The following ANKFY1 variants were observed in gnomAD, a reference collection of about 807,000 sequenced individuals.
ANKFY1 encodes the protein ankyrin repeat and FYVE domain-containing protein 1.
A neutral mutation model predicts 128.3 loss-of-function variants in ANKFY1; 47 were observed. The observed-to-expected ratio is 0.37, with a 90% CI of 0.29 to 0.47. The LOEUF is 0.47. Among genes scored for constraint, ANKFY1 ranks in the 20% least tolerant of loss-of-function variants. ANKFY1 has a pLI of 1.00. For missense variants in ANKFY1, 1,222 were observed against 1,510.6 expected (o/e 0.81, Z 3.17); for synonymous variants, 553 against 601.6 (o/e 0.92, Z 1.18).
chr17:4,203,836 A>C (rs951816630), intron 7 of ANKFY1, among the ~76,000 whole-genome samples: 2 of 141,058 alleles, frequency 1.4e-5, no homozygotes, highest in African/African-American at 5.3e-5. Flanking sequence ...ACAAAAAAAA[A>C]AAAAAAAAGA....
chr17:4,180,174 T>G (rs1482120819), intron 16 of ANKFY1: 7 of 328,618 alleles, frequency 2.1e-5, no homozygotes, highest in Non-Finnish European at 3.4e-5. Flanking sequence ...ATGCCTCTAA[T>G]CCCAGCACTT....
intron 1 of ANKFY1, among the ~76,000 whole-genome samples, chr17:4,248,274 G>A (rs1368109716): frequency 6.6e-6 from 1 of 152,190 alleles, no homozygotes; most frequent in Admixed American, 6.5e-5. Context: ...CGCCTCCTGT[G>A]AGATCAGCAG....
In ANKFY1 at chr17:4,167,706, G is replaced by C. The variant is rs1597995359; in HGVS notation, c.*73C>G. 1 of 1,454,326 alleles carries C rather than the reference G, an allele frequency of 6.9e-7. No individual in the cohort carries two copies. Among genetic ancestry groups the C allele is most frequent in the African/African-American group, 1.4e-5 (1 of 70,902 alleles). The allele number at this position is 1,454,326 out of a possible 1,614,324, so 90.1% of individuals were successfully genotyped here. A position where few individuals can be genotyped will look rare whatever the true frequency, so the allele number is the denominator to read the frequency against. On this transcript the variant is annotated 3_prime_UTR_variant, in exon 25 of 25. Coordinates refer to ENST00000341657, the MANE Select transcript of ANKFY1 (RefSeq NM_001330063.2). The surrounding 1 kb of genome is among the most constrained non-coding windows in gnomAD (Gnocchi z 4.1). ...CACCCGCCAGCTCCTGCTCTGGGTG[G>C]GGTCAGGCTGGTGAGCAGAGCAGCT...
At chr17:4,217,193 T>C in intron 3 of ANKFY1, 75 bp from the exon 4 acceptor site, 1 of 1,543,392 alleles carries the variant, frequency 6.5e-7, no homozygotes. Context: ...ATCCCTAAAA[T>C]TTGAGGCTAA....
chr17:4,181,293 T>A lies in ANKFY1; in HGVS notation c.2201A>T (p.Asp734Val). ...GCAGGCGGTGGGCTCGTTGTTTTCATCAATGGCTCTGTGCAGGAGCGTCTG... is the reference window on the plus strand; with the variant it reads ...GCAGGCGGTGGGCTCGTTGTTTTCAACAATGGCTCTGTGCAGGAGCGTCTG... Reference protein sequence around the residue: ...CLQTLLHRAIDENNEPTACFL... With the variant: ...CLQTLLHRAIVENNEPTACFL... The change falls in exon 16 of 25, where the codon GAT becomes GTT. Residue 734 changes from aspartate to valine, a missense_variant. Coordinates refer to ENST00000341657, the MANE Select transcript of ANKFY1 (RefSeq NM_001330063.2). The surrounding 1 kb of genome is among the most constrained non-coding windows in gnomAD (Gnocchi z 4.9). 1 of 1,614,082 alleles carries A rather than the reference T, an allele frequency of 6.2e-7. No individual in the cohort carries two copies. Among genetic ancestry groups the A allele is most frequent in the Non-Finnish European group, 8.5e-7 (1 of 1,179,970 alleles).
chr17:4,217,530 G>A (rs1169215021), intron 3 of ANKFY1, among the ~76,000 whole-genome samples: 1 of 152,146 alleles, frequency 6.6e-6, no homozygotes, highest in East Asian at 1.9e-4. Context: ...CTGGGTGACA[G>A]AGGGAGACTC....
intron 11 of ANKFY1, 119 bp downstream of exon 11, chr17:4,189,263 T>A (rs78681823): frequency 1.4e-6 from 1 of 716,890 alleles, no homozygotes; most frequent in East Asian, 2.8e-5. Context: ...ACCATATGCA[T>A]GTATTATTCT....
intron 1 of ANKFY1, among the ~76,000 whole-genome samples, chr17:4,248,266 C>T (rs1293354096): frequency 6.6e-6 from 1 of 152,224 alleles, no homozygotes; most frequent in African/African-American, 2.4e-5. Context: ...CTGAGCTCCG[C>T]CTCCTGTGAG....
In ANKFY1 at chr17:4,187,199, A is replaced by T. The variant is rs150800119; in HGVS notation, c.1471-2153T>A. On this transcript the variant is annotated intron_variant, in intron 11 of 24. Transcript: ENST00000341657. ...CCAAATTCCATTACGTCATTCTTGC[A>T]CCACAGGGGTTTTAACAGCTCTCTT... is the stretch of plus-strand genomic sequence containing the variant. 3.4e-3 allele frequency: 1,430 copies of T among 419,206 alleles called. 2 individuals are homozygous for T. The highest frequency in any genetic ancestry group is 4.9e-3 in the Non-Finnish European group (1,195 of 245,056). The allele number at this position is 419,206 out of a possible 1,614,324, so 26.0% of individuals were successfully genotyped here.
intron 3 of ANKFY1, among the ~76,000 whole-genome samples, chr17:4,231,512 G>T (rs1337614090): frequency 6.6e-6 from 1 of 152,118 alleles, no homozygotes; most frequent in Non-Finnish European, 1.5e-5. Context: ...GAATCCTACA[G>T]AAGTGATTGT....
chr17:4,235,332 C>G (rs1387605385), intron 3 of ANKFY1, among the ~76,000 whole-genome samples: 5 of 100,232 alleles, frequency 5.0e-5, no homozygotes, highest in Non-Finnish European at 1.0e-4. Context: ...CAGAGTGAGA[C>G]TCTGTCTCAA....
chr17:4,246,511 T>C (rs887378282), intron 1 of ANKFY1, among the ~76,000 whole-genome samples: 1 of 152,216 alleles, frequency 6.6e-6, no homozygotes, highest in Non-Finnish European at 1.5e-5. Flanking sequence ...AGGATGGCTA[T>C]AGTATATACC....
intron 1 of ANKFY1, 145 bp downstream of exon 1, chr17:4,263,787 G>C: frequency 6.3e-7 from 1 of 1,590,124 alleles, no homozygotes; most frequent in Non-Finnish European, 8.5e-7. Flanking sequence ...GAGAAGCTCC[G>C]GAGAGGCTAG....
chr17:4,263,170 T>C (rs1411605276), intron 1 of ANKFY1, among the ~76,000 whole-genome samples: 1 of 152,192 alleles, frequency 6.6e-6, no homozygotes, highest in Non-Finnish European at 1.5e-5. Context: ...CAATGAAGGC[T>C]TCTAATTACT....
chr17:4,248,356 C>T (rs555494895), intron 1 of ANKFY1, among the ~76,000 whole-genome samples: 40 of 152,286 alleles, frequency 2.6e-4, no homozygotes, highest in Non-Finnish European at 4.7e-4. Context: ...GTTGCATGCT[C>T]CTTATGAGAC....
chr17:4,184,138 C>T (rs957288997), intron 12 of ANKFY1, among the ~76,000 whole-genome samples: 1 of 152,138 alleles, frequency 6.6e-6, no homozygotes, highest in African/African-American at 2.4e-5. Flanking sequence ...TGACTCTTCA[C>T]GTAAGAAAAA....
At position 4,194,305 on chromosome 17, in the gene ANKFY1, C is replaced by G. The variant is rs116360210; in HGVS notation, c.1372+673G>C. On this transcript the variant is annotated intron_variant, in intron 10 of 24. Transcript: ENST00000341657. ...TTTTTCAGTAGCGACAGGTTTCAGTCTCTAAAGGGGCCACCCTGGTCTCAA... is the reference window on the plus strand; with the variant it reads ...TTTTTCAGTAGCGACAGGTTTCAGTGTCTAAAGGGGCCACCCTGGTCTCAA... 5.3e-3 allele frequency among the ~76,000 whole-genome samples: 802 copies of G among 151,206 alleles called. 8 individuals carry two copies. Among genetic ancestry groups the G allele is most frequent in the African/African-American group, 0.019 (767 of 41,276 alleles).
intron 1 of ANKFY1, among the ~76,000 whole-genome samples, chr17:4,245,959 G>T (rs1027323812): frequency 6.6e-6 from 1 of 151,732 alleles, no homozygotes; most frequent in African/African-American, 2.4e-5. Context: ...CAGAAGAATC[G>T]CTGGAACCCA....
In ANKFY1 at chr17:4,166,589, G is replaced by C. The variant is rs1358866962; in HGVS notation, c.*1190C>G. On this transcript the variant is annotated 3_prime_UTR_variant, in exon 25 of 25. Transcript: ENST00000341657. Reference sequence around the variant, plus strand: ...AGCCTCATCCAGCACACAAGCCAGAGACTTCCAAAGTAAGGTGGCGCACAC... The same window carrying C: ...AGCCTCATCCAGCACACAAGCCAGACACTTCCAAAGTAAGGTGGCGCACAC... The C allele has an allele frequency of 6.6e-6, 1 of 152,512 alleles. No individual in the cohort carries two copies. Among genetic ancestry groups the C allele is most frequent in the Non-Finnish European group, 1.5e-5 (1 of 68,068 alleles). The allele number at this position is 152,512 out of a possible 1,614,324, so 9.4% of individuals were successfully genotyped here.
Sources: allele counts gnomAD v4.1 joint callset (sites outside exome capture counted in the v4.1 genomes callset), GRCh38; gene constraint gnomAD v4.1.1; non-coding constraint Gnocchi (gnomAD v3.1); transcripts MANE v1.5; gene names NCBI Gene and HGNC (gene_info 2026-07-23, HGNC 2026-07-21).